Variants in ALDOB observed in about 807,000 individuals in gnomAD.
The protein encoded by ALDOB is fructose-bisphosphate aldolase B.
Under a neutral mutation model 41.0 loss-of-function variants are expected in ALDOB, and 39 were observed. That is an observed-to-expected ratio of 0.95 (90% CI 0.74 to 1.24). The LOEUF is 1.24. Ranked by LOEUF, ALDOB falls within the 50% of genes most tolerant of loss-of-function variation. The probability of loss-of-function intolerance (pLI) is 0.00; values close to 1 mark genes in which losing one functional copy is unlikely to be tolerated. For missense variants in ALDOB, 530 were observed against 457.3 expected (o/e 1.16, Z -1.45); for synonymous variants, 175 against 168.8 (o/e 1.04, Z -0.28).
chr9:101,421,927 G>A (rs1439067312), intron 8 of ALDOB, 23 bp from the exon 9 acceptor site: 2 of 1,601,566 alleles, frequency 1.2e-6, no homozygotes, highest in African/African-American at 1.3e-5. Flanking sequence ...TATGAGAGAG[G>A]AGACTGGTTA....
intron 3 of ALDOB, among the ~76,000 whole-genome samples, chr9:101,429,139 CTTTT>C (rs552828978): frequency 7.3e-6 from 1 of 137,206 alleles, no homozygotes. Context: ...TTTTTTCTTT[CTTTT>C]TTTTTTTTTT....
intron 5 of ALDOB, 45 bp downstream of exon 5, chr9:101,427,437 A>G (rs200351394): frequency 4.0e-4 from 647 of 1,611,198 alleles, no homozygotes; most frequent in Non-Finnish European, 5.1e-4. Context: ...GCTCTGAAGA[A>G]AACTCTAGCC....
At chr9:101,434,353 C>G (rs958219927) in intron 1 of ALDOB, among the ~76,000 whole-genome samples, 3 of 152,292 alleles carry the variant, frequency 2.0e-5, no homozygotes, top group African/African-American at 7.2e-5. Flanking sequence ...TCTAATCCTT[C>G]AGCAAAATAG....
At position 101,429,983 on chromosome 9, in the gene ALDOB, AAGGGCAGCATAAGGAGCAAGCC is replaced by A; in HGVS notation, c.113-39_113-18del. 2 of 1,611,712 alleles carry A rather than the reference AAGGGCAGCATAAGGAGCAAGCC, an allele frequency of 1.2e-6. No homozygotes were observed. Among genetic ancestry groups the A allele is most frequent in the Non-Finnish European group, 1.7e-6 (2 of 1,178,108 alleles). The stretch of plus-strand genomic sequence containing the variant: ...CCATGGTACCTATGGTGGGAGGGCC[AAGGGCAGCATAAGGAGCAAGCC>A]AGGGCTTTCCTGTCACCCTTCTCCA... On this transcript the variant is annotated intron_variant, in intron 2 of 8. Coordinates refer to ENST00000647789, the MANE Select transcript of ALDOB (RefSeq NM_000035.4).
At chr9:101,432,717 A>G (rs1831238806) in intron 1 of ALDOB, among the ~76,000 whole-genome samples, 1 of 152,190 alleles carries the variant, frequency 6.6e-6, no homozygotes, top group Non-Finnish European at 1.5e-5. Flanking sequence ...AGGAAAGAAT[A>G]TAAGAGAGTG....
At chr9:101,427,731 C>T in intron 4 of ALDOB, 89 bp from the exon 5 acceptor site, 1 of 1,510,238 alleles carries the variant, frequency 6.6e-7, no homozygotes. Context: ...TCTCCCTTTG[C>T]TTAGCTTTCA....
chr9:101,428,368 C>A lies in ALDOB; in HGVS notation c.379+101G>T, dbSNP rs1445453246. ...AACCAGGTACGTGTGGCTCTAAGAC[C>A]AGTGTAATAGTTGTGTTTTGTTTTT... On this transcript the variant is annotated intron_variant, in intron 4 of 8. Coordinates refer to ENST00000647789, the MANE Select transcript of ALDOB (RefSeq NM_000035.4). 4.7e-6 allele frequency: 5 copies of A among 1,073,656 alleles called. No homozygotes were observed. In the African/African-American group the frequency reaches 6.2e-5, roughly 13 times the overall value. 66.5% of individuals were successfully genotyped at this position (1,073,656 alleles called of 1,614,324 possible). A position where few individuals can be genotyped will look rare whatever the true frequency, so the allele number is the denominator to read the frequency against.
intron 2 of ALDOB, 90 bp from the exon 3 acceptor site, chr9:101,430,056 G>T: frequency 8.6e-7 from 1 of 1,158,914 alleles, no homozygotes; most frequent in Non-Finnish European, 1.3e-6. Context: ...CCTCACCACA[G>T]TGGAAAGCAA....
intron 4 of ALDOB, among the ~76,000 whole-genome samples, chr9:101,427,895 AT>A (rs755982062): frequency 6.6e-6 from 1 of 152,216 alleles, no homozygotes; most frequent in Non-Finnish European, 1.5e-5. Flanking sequence ...TATGATACTC[AT>A]TTTACAAAGG....
intron 2 of ALDOB, among the ~76,000 whole-genome samples, chr9:101,430,413 T>G (rs1384408522): frequency 6.6e-6 from 1 of 152,228 alleles, no homozygotes; most frequent in Admixed American, 6.5e-5. Context: ...CTATTCCAGA[T>G]GCAGATACTT....
rs563939639 is a variant in ALDOB at position 101,425,049 on chromosome 9, G to A, written c.800-7C>T. ...CCAGACAAAAAGCAGATGCCTGGTA[G>A]GAGAGAAGCCATTTCACTCTATTAG... On this transcript the variant is annotated splice_region_variant and splice_polypyrimidine_tract_variant and intron_variant, in intron 7 of 8. Transcript: ENST00000647789. 1.2e-5 allele frequency: 19 copies of A among 1,614,160 alleles called. No individual in the cohort carries two copies. Among genetic ancestry groups the A allele is most frequent in the Admixed American group, 1.0e-4 (6 of 60,026 alleles).
chr9:101,429,742 T>C lies in ALDOB; in HGVS notation c.324+13A>G, dbSNP rs776180219. 1.2e-6 allele frequency: 2 copies of C among 1,613,206 alleles called. No individual in the cohort carries two copies. Among genetic ancestry groups the C allele is most frequent in the South Asian group, 1.1e-5 (1 of 91,036 alleles). ...GGACAAAGCAGAAGTGAGGTGTGAATGGAGGTGTTCACCTTGATTCCCACC... is the reference window on the plus strand; with the variant it reads ...GGACAAAGCAGAAGTGAGGTGTGAACGGAGGTGTTCACCTTGATTCCCACC... On this transcript the variant is annotated intron_variant, in intron 3 of 8. Coordinates refer to ENST00000647789, the MANE Select transcript of ALDOB (RefSeq NM_000035.4).
At position 101,429,976 on chromosome 9, in the gene ALDOB, GAGGGCCAAGGGC is replaced by G; in HGVS notation, c.113-22_113-11del. 1 of 1,613,282 alleles carries G rather than the reference GAGGGCCAAGGGC, an allele frequency of 6.2e-7. No homozygotes were observed. The highest frequency in any genetic ancestry group is 8.5e-7 in the Non-Finnish European group (1 of 1,179,440). On this transcript the variant is annotated splice_polypyrimidine_tract_variant and intron_variant, in intron 2 of 8. Coordinates refer to ENST00000647789, the MANE Select transcript of ALDOB (RefSeq NM_000035.4). Reference sequence around the variant, plus strand: ...CGGTTCCCCATGGTACCTATGGTGGGAGGGCCAAGGGCAGCATAAGGAGCAAGCCAGGGCTTT... The same window carrying G: ...CGGTTCCCCATGGTACCTATGGTGGGAGCATAAGGAGCAAGCCAGGGCTTT...
Position 101,421,042 on chromosome 9 carries a change from C to G in ALDOB, c.*767G>C, listed in dbSNP as rs1324116757. The G allele has an allele frequency of 6.6e-6, 1 of 152,246 alleles. No homozygotes were observed. The highest frequency in any genetic ancestry group is 1.5e-5 in the Non-Finnish European group (1 of 68,090). 9.4% of individuals were successfully genotyped at this position (152,246 alleles called of 1,614,324 possible). On this transcript the variant is annotated 3_prime_UTR_variant, in exon 9 of 9. Transcript: ENST00000647789. ...GCTCAAAATCATTCTACATTTTTAGCTGGCTTCGTATTGTGAATGGCTTTA... is the reference window on the plus strand; with the variant it reads ...GCTCAAAATCATTCTACATTTTTAGGTGGCTTCGTATTGTGAATGGCTTTA...
At position 101,425,007 on chromosome 9, in the gene ALDOB, C is replaced by T. The variant is rs142177161; in HGVS notation, c.835G>A (p.Asp279Asn). The T allele has an allele frequency of 6.2e-7, 1 of 1,614,068 alleles. No individual in the cohort carries two copies. The highest frequency in any genetic ancestry group is 1.3e-5 in the African/African-American group (1 of 74,930). The change falls in exon 8 of 9, where the codon GAT becomes AAT. Residue 279 changes from aspartate (D) to asparagine (N), a missense_variant. By Grantham distance (23) the Asp-to-Asn change is conservative (BLOSUM62 1). Transcript: ENST00000647789. ...ATAGCATTGAGGTTGAGAGTGGCAT[C>T]CTCTTCACTCATGCCACCAGACAAA... ...CFLSGGMSEE[D>N]ATLNLNAINL...
intron 3 of ALDOB, among the ~76,000 whole-genome samples, 157 bp downstream of exon 3, chr9:101,429,598 G>T (rs952210869): frequency 5.3e-5 from 8 of 152,192 alleles, no homozygotes; most frequent in African/African-American, 1.9e-4. Context: ...GAAAACTCTA[G>T]AAGAGGATCT....
chr9:101,425,050 G>T lies in ALDOB; in HGVS notation c.800-8C>A. The T allele has an allele frequency of 6.2e-7, 1 of 1,614,102 alleles. No homozygotes were observed. The highest frequency in any genetic ancestry group is 8.5e-7 in the Non-Finnish European group (1 of 1,179,984). ...CAGACAAAAAGCAGATGCCTGGTAG[G>T]AGAGAAGCCATTTCACTCTATTAGT... is the stretch of plus-strand genomic sequence containing the variant. On this transcript the variant is annotated splice_region_variant and splice_polypyrimidine_tract_variant and intron_variant, in intron 7 of 8. Transcript: ENST00000647789.
chr9:101,435,394 G>A (rs551688815), intron 1 of ALDOB, among the ~76,000 whole-genome samples: 1 of 152,296 alleles, frequency 6.6e-6, no homozygotes, highest in South Asian at 2.1e-4. Flanking sequence ...AGAACCTAAC[G>A]ATAGGAGTGT....
At chr9:101,424,709 C>T (rs1831096574) in intron 8 of ALDOB, 134 bp downstream of exon 8, 1 of 1,065,838 alleles carries the variant, frequency 9.4e-7, no homozygotes, top group South Asian at 1.3e-5. Flanking sequence ...CCTCTACTGC[C>T]ACATTTTCAA....
Sources: allele counts gnomAD v4.1 joint callset (sites outside exome capture counted in the v4.1 genomes callset), GRCh38; gene constraint gnomAD v4.1.1; transcripts MANE v1.5; gene names NCBI Gene and HGNC (gene_info 2026-07-23, HGNC 2026-07-21).